The following PCM1 variants were observed in gnomAD, a reference collection of about 807,000 sequenced individuals.
PCM1 encodes the protein pericentriolar material 1, also known as pericentriolar material 1 protein.
PCM1 carries 157 observed loss-of-function variants against 241.9 expected under a neutral mutation model. That is an observed-to-expected ratio of 0.65 (90% CI 0.57 to 0.74). The LOEUF is 0.74. Ranked by LOEUF, PCM1 falls within the 30% of genes least tolerant of loss-of-function variation. The probability of loss-of-function intolerance (pLI) is 0.00; values close to 1 mark genes in which losing one functional copy is unlikely to be tolerated. For missense variants in PCM1, 3,478 were observed against 2,360.1 expected, an observed-to-expected ratio of 1.47 and a Z score of -9.81; for synonymous variants, 1,085 against 784.9, an observed-to-expected ratio of 1.38 and a Z score of -6.39.
intron 24 of PCM1, among the ~76,000 whole-genome samples, chr8:17,984,346 A>C (rs895957680): frequency 3.3e-5 from 5 of 151,972 alleles, no homozygotes; most frequent in Non-Finnish European, 7.4e-5. Flanking sequence ...TTGCTTACAG[A>C]GATAATTTTG....
chr8:17,943,771 T>G (rs960170338), intron 6 of PCM1, among the ~76,000 whole-genome samples: 4 of 152,188 alleles, frequency 2.6e-5, no homozygotes, highest in Admixed American at 2.6e-4. Context: ...TTTTCTCTAC[T>G]CTGCAGGAAC....
At chr8:17,929,567 G>T (rs1214692150) in intron 2 of PCM1, among the ~76,000 whole-genome samples, 1 of 152,132 alleles carries the variant, frequency 6.6e-6, no homozygotes, top group African/African-American at 2.4e-5. Flanking sequence ...AAGAAAACTT[G>T]TTTCTTTTCT....
At chr8:18,011,502 CTAAAT>C in intron 33 of PCM1, 136 bp downstream of exon 33, 1 of 1,049,158 alleles carries the variant, frequency 9.5e-7, no homozygotes, top group South Asian at 1.8e-5. Context: ...GTGACCCTGA[CTAAAT>C]TATCTAGACT....
At chr8:17,995,267 C>T (rs530367963) in intron 29 of PCM1, among the ~76,000 whole-genome samples, 1 of 151,404 alleles carries the variant, frequency 6.6e-6, no homozygotes, top group East Asian at 1.9e-4. Flanking sequence ...ACCCCAGCAC[C>T]ATTTATTGTG....
chr8:17,931,699 A>G (rs1016317709), intron 2 of PCM1, among the ~76,000 whole-genome samples: 3 of 152,128 alleles, frequency 2.0e-5, no homozygotes, highest in Non-Finnish European at 4.4e-5. Context: ...TTTCAAAACA[A>G]TTGCTTTTAG....
chr8:18,026,224 G>A (rs1346122661), intron 38 of PCM1, among the ~76,000 whole-genome samples: 2 of 109,014 alleles, frequency 1.8e-5, no homozygotes, highest in Non-Finnish European at 3.7e-5. Flanking sequence ...CATGGTTTAA[G>A]AAAGGTACAA....
chr8:17,996,988 T>G (rs1419445407), intron 29 of PCM1, among the ~76,000 whole-genome samples: 1 of 152,198 alleles, frequency 6.6e-6, no homozygotes, highest in South Asian at 2.1e-4. Context: ...TTTCTATTAC[T>G]GGTGAATTTT....
At chr8:18,017,933 T>C (rs899575317) in intron 36 of PCM1, among the ~76,000 whole-genome samples, 5 of 152,080 alleles carry the variant, frequency 3.3e-5, no homozygotes, top group Admixed American at 6.5e-5. Flanking sequence ...CTCTGGTATG[T>C]TACTCTCCAT....
intron 35 of PCM1, 30 bp from the exon 36 acceptor site, chr8:18,014,554 A>G: frequency 1.3e-6 from 2 of 1,556,612 alleles, no homozygotes; most frequent in Non-Finnish European, 1.7e-6. Flanking sequence ...TTTGCATTAC[A>G]CTAATGTTAA....
At chr8:17,923,639 C>A in intron 1 of PCM1, among the ~76,000 whole-genome samples, 1 of 151,940 alleles carries the variant, frequency 6.6e-6, no homozygotes, top group East Asian at 1.9e-4. Flanking sequence ...CTCTCGGTGT[C>A]CAGAGTTTGG....
At chr8:18,014,128 T>A in intron 35 of PCM1, 92 bp downstream of exon 35, 1 of 743,786 alleles carries the variant, frequency 1.3e-6, no homozygotes, top group Non-Finnish European at 2.2e-6. Flanking sequence ...CAGAAAACAC[T>A]AAAATTCTTA....
intron 26 of PCM1, among the ~76,000 whole-genome samples, chr8:17,987,103 T>C (rs1334904582): frequency 1.3e-5 from 2 of 151,920 alleles, no homozygotes; most frequent in South Asian, 2.1e-4. Flanking sequence ...CCTTTAGTAC[T>C]ATAACATAAA....
chr8:17,943,785 C>T (rs149892758), intron 6 of PCM1, among the ~76,000 whole-genome samples: 2 of 152,150 alleles, frequency 1.3e-5, no homozygotes, highest in African/African-American at 4.8e-5. Context: ...CAGGAACTGT[C>T]ATTCTTACCA....
chr8:17,969,271 C>T (rs1046976345), intron 21 of PCM1, among the ~76,000 whole-genome samples: 2 of 151,842 alleles, frequency 1.3e-5, no homozygotes, highest in African/African-American at 4.8e-5. Flanking sequence ...AGTATTAAAC[C>T]AAGTAACATG....
intron 29 of PCM1, chr8:18,006,052 C>T (rs980141365): frequency 9.2e-6 from 4 of 434,678 alleles, no homozygotes; most frequent in African/African-American, 2.0e-5. Context: ...CATCTGCTTT[C>T]GTGGGTCAAA....
chr8:17,938,980 A>G lies in PCM1; in HGVS notation c.583A>G (p.Arg195Gly), dbSNP rs2061242685. ...QNCQVSEEDG[R>G]GEPAMESSQI... Reference sequence around the variant, plus strand: ...CTGTCAGGTGTCTGAAGAAGATGGGAGGGGAGAACCTGCAATGGAGAGCAG... The same window carrying G: ...CTGTCAGGTGTCTGAAGAAGATGGGGGGGGAGAACCTGCAATGGAGAGCAG... Residue 195 changes from arginine to glycine, a missense_variant, in exon 5 of 39, where the codon AGG becomes GGG. Coordinates refer to ENST00000325083, the MANE Select transcript of PCM1 (RefSeq NM_006197.4). 6.2e-7 allele frequency: 1 copy of G among 1,613,706 alleles called. No homozygotes were observed. Among genetic ancestry groups the G allele is most frequent in the Non-Finnish European group, 8.5e-7 (1 of 1,179,650 alleles).
At position 17,966,362 on chromosome 8, in the gene PCM1, G is replaced by T. The variant is rs763683160; in HGVS notation, c.3110G>T (p.Gly1037Val). 19 of 1,613,680 alleles carry T rather than the reference G, an allele frequency of 1.2e-5. No individual in the cohort carries two copies. Among genetic ancestry groups the T allele is most frequent in the Non-Finnish European group, 1.5e-5 (18 of 1,179,746 alleles). ...LSCLLQTLLT[G>V]PYSVMPSNVA... The stretch of plus-strand genomic sequence containing the variant: ...TGTCTGCTACAAACTCTTCTCACGG[G>T]TCCTTACAGTGTTATGCCCAGCAAT... Residue 1037 changes from glycine (G) to valine (V), a missense_variant, in exon 20 of 39, where the codon GGT becomes GTT. Transcript: ENST00000325083.
Position 18,014,819 on chromosome 8 carries a change from T to A in PCM1, c.5820T>A (p.Ser1940=). 5 of 1,600,786 alleles carry A rather than the reference T, an allele frequency of 3.1e-6. No individual in the cohort carries two copies. The highest frequency in any genetic ancestry group is 4.2e-6 in the Non-Finnish European group (5 of 1,177,112). ...SSLAGSPDTE[S]PVLVNDYEAE... Reference sequence around the variant, plus strand: ...TGGCTGGAAGTCCTGATACTGAATCTCCAGTGTTAGTGAATGACTATGTAT... The same window carrying A: ...TGGCTGGAAGTCCTGATACTGAATCACCAGTGTTAGTGAATGACTATGTAT... Residue 1940 remains serine (S), a synonymous_variant, in exon 36 of 39, where the codon TCT becomes TCA. Coordinates refer to ENST00000325083, the MANE Select transcript of PCM1 (RefSeq NM_006197.4).
At chr8:17,948,771 A>C (rs902195254) in intron 7 of PCM1, among the ~76,000 whole-genome samples, 3 of 152,228 alleles carry the variant, frequency 2.0e-5, no homozygotes, top group South Asian at 2.1e-4. Flanking sequence ...GCTTTAACAT[A>C]ATGACTAGTA....
Sources: allele counts gnomAD v4.1 joint callset (sites outside exome capture counted in the v4.1 genomes callset), GRCh38; gene constraint gnomAD v4.1.1; transcripts MANE v1.5; gene names NCBI Gene and HGNC (gene_info 2026-07-23, HGNC 2026-07-21).